WDFY4: variants seen among roughly 807,000 people sequenced by gnomAD.
WDFY4 encodes the protein WDFY family member 4.
Under a neutral mutation model 351.9 loss-of-function variants are expected in WDFY4, and 169 were observed. The observed-to-expected ratio is 0.48, with a 90% CI of 0.42 to 0.55. WDFY4 has a LOEUF of 0.55. WDFY4 is among the 20% of genes least tolerant of loss of function. WDFY4 has a pLI of 0.00. For synonymous variants in WDFY4, 1,622 were observed against 1,574.6 expected (o/e 1.03, Z -0.71); for missense variants, 3,803 against 3,935.6 (o/e 0.97, Z 0.90).
At chr10:48,821,023 C>T (rs1275183845) in intron 33 of WDFY4, 39 bp from the exon 34 acceptor site, 1 of 1,452,034 alleles carries the variant, frequency 6.9e-7, no homozygotes, top group Non-Finnish European at 9.5e-7. Flanking sequence ...CACACGATGG[C>T]CCTGTGGTTG....
intron 7 of WDFY4, among the ~76,000 whole-genome samples, chr10:48,728,327 C>T (rs1054062295): frequency 2.0e-5 from 3 of 152,362 alleles, no homozygotes; most frequent in South Asian, 2.1e-4. Flanking sequence ...TTGCCTTCCA[C>T]TCTGCCTTCC....
At chr10:48,954,030 C>T (rs1365595583) in intron 51 of WDFY4, among the ~76,000 whole-genome samples, 2 of 152,186 alleles carry the variant, frequency 1.3e-5, no homozygotes, top group Non-Finnish European at 2.9e-5. Flanking sequence ...GATCAATGTG[C>T]AGGAATAGTC....
intron 47 of WDFY4, among the ~76,000 whole-genome samples, chr10:48,925,732 AAGCAGGGGTTGGAATCTT>A (rs1839514219): frequency 3.9e-5 from 6 of 152,050 alleles, no homozygotes; most frequent in African/African-American, 1.4e-4. Flanking sequence ...AGAGATGCAG[AAGCAGGGGTTGGAATCTT>A]ACAGGGACTC....
chr10:48,766,490 T>C (rs1271489109), intron 13 of WDFY4, among the ~76,000 whole-genome samples: 2 of 151,424 alleles, frequency 1.3e-5, no homozygotes. Context: ...CTTGGAAGAG[T>C]GAAACAGGAG....
chr10:48,786,662 A>C lies in WDFY4; in HGVS notation c.3600A>C (p.Pro1200=). 1.9e-6 allele frequency: 3 copies of C among 1,551,950 alleles called. No homozygotes were observed. The highest frequency in any genetic ancestry group is 2.6e-6 in the Non-Finnish European group (3 of 1,147,046). ...SAKMLYIQAL[P]GPFLSMDPSA... ...AGATGTTATACATCCAGGCTCTACC[A>C]GGGCCTTTCCTTTCTATGGATCCAT... The change falls in exon 20 of 62, where the codon CCA becomes CCC. Residue 1200 remains proline (P), a synonymous_variant. Transcript: ENST00000325239.
At chr10:48,690,930 C>A (rs1312249825) in intron 1 of WDFY4, among the ~76,000 whole-genome samples, 1 of 152,176 alleles carries the variant, frequency 6.6e-6, no homozygotes, top group Non-Finnish European at 1.5e-5. Flanking sequence ...AGCCTTCAGG[C>A]CCTCCTTGGC....
At chr10:48,827,979 A>G (rs12247839) in intron 36 of WDFY4, among the ~76,000 whole-genome samples, 29,882 of 151,830 alleles carry the variant, frequency 0.2, 4,031 homozygotes, top group African/African-American at 0.38. Context: ...ACTGAATTAT[A>G]TGCTTGAGAT....
At chr10:48,735,658 A>C (rs1294385259) in intron 10 of WDFY4, among the ~76,000 whole-genome samples, 1 of 152,202 alleles carries the variant, frequency 6.6e-6, no homozygotes, top group Admixed American at 6.5e-5. Context: ...TTGGAGAAGA[A>C]AGCAGTTTTT....
At chr10:48,844,571 G>A (rs1358102839) in intron 39 of WDFY4, among the ~76,000 whole-genome samples, 5 of 152,068 alleles carry the variant, frequency 3.3e-5, no homozygotes, top group Admixed American at 3.3e-4. Flanking sequence ...CAGCCTAGGT[G>A]ACAACAGCAA....
intron 51 of WDFY4, among the ~76,000 whole-genome samples, chr10:48,952,180 G>T (rs555724580): frequency 6.6e-6 from 1 of 151,966 alleles, no homozygotes; most frequent in Middle Eastern, 3.4e-3. Context: ...AACCTGGAGC[G>T]TCTGTGTCTG....
chr10:48,695,809 A>G (rs2132112771), intron 1 of WDFY4, among the ~76,000 whole-genome samples: 2 of 152,242 alleles, frequency 1.3e-5, no homozygotes, highest in South Asian at 4.1e-4. Context: ...GGGTCCAGCC[A>G]GGGGAACTGC....
intron 39 of WDFY4, among the ~76,000 whole-genome samples, chr10:48,838,540 C>G (rs1214482810): frequency 1.3e-5 from 2 of 152,224 alleles, no homozygotes; most frequent in South Asian, 2.1e-4. Flanking sequence ...ACTATCCCCT[C>G]TGAGCACTTC....
intron 39 of WDFY4, among the ~76,000 whole-genome samples, chr10:48,864,607 T>A (rs138109999): frequency 8.5e-5 from 13 of 152,118 alleles, no homozygotes; most frequent in African/African-American, 3.1e-4. Context: ...ACTTTTCAAT[T>A]TTTGCAAAAA....
chr10:48,765,303 A>C (rs1483710444), intron 13 of WDFY4, among the ~76,000 whole-genome samples: 2 of 152,200 alleles, frequency 1.3e-5, no homozygotes, highest in East Asian at 3.8e-4. Flanking sequence ...AAAACAGCAG[A>C]TTGTGGTCAA....
intron 47 of WDFY4, among the ~76,000 whole-genome samples, chr10:48,916,564 A>T (rs1464603939): frequency 1.3e-5 from 2 of 152,192 alleles, no homozygotes; most frequent in African/African-American, 4.8e-5. Context: ...CTAGAGGCAG[A>T]AACAGTTGCA....
At chr10:48,704,809 G>A (rs1468888198) in intron 1 of WDFY4, among the ~76,000 whole-genome samples, 3 of 152,238 alleles carry the variant, frequency 2.0e-5, no homozygotes, top group South Asian at 2.1e-4. Flanking sequence ...AGCTGTGGAC[G>A]AAGGCTGCTA....
intron 4 of WDFY4, 124 bp downstream of exon 4, chr10:48,721,491 C>G (rs2064086974): frequency 6.2e-6 from 5 of 803,468 alleles, no homozygotes; most frequent in Non-Finnish European, 1.0e-5. Flanking sequence ...TTTATTATTT[C>G]TCCTCCCTCC....
chr10:48,685,957 C>T lies in WDFY4; in HGVS notation c.-18+956C>T, dbSNP rs1404318233. Among the ~76,000 whole-genome samples, 11 of 151,846 alleles carry T rather than the reference C, an allele frequency of 7.2e-5. 1 individual carries two copies. The highest frequency in any genetic ancestry group is 1.5e-4 in the Non-Finnish European group (10 of 67,970). ...ATGGCTCTAGTCTTCTGAGAGGGGA[C>T]CTGTGAGGGAGGCCGAGTCCTGTGG... is the stretch of plus-strand genomic sequence containing the variant. On this transcript the variant is annotated intron_variant, in intron 1 of 61. Transcript: ENST00000325239.
intron 32 of WDFY4, among the ~76,000 whole-genome samples, chr10:48,817,886 A>C (rs1323562730): frequency 6.6e-6 from 1 of 152,208 alleles, no homozygotes; most frequent in Non-Finnish European, 1.5e-5. Context: ...GCTTAGAGCC[A>C]GACAAGCCAA....
Sources: gnomAD v4.1 joint callset for allele counts (sites outside exome capture counted in the v4.1 genomes callset) on GRCh38, gnomAD v4.1.1 for gene constraint, MANE v1.5 for transcripts, NCBI Gene and HGNC (gene_info 2026-07-23, HGNC 2026-07-21) for gene names.